The following IQCK variants were observed in gnomAD, a reference collection of about 807,000 sequenced individuals.
The protein encoded by IQCK is IQ domain-containing protein K.
Under a neutral mutation model 28.1 loss-of-function variants are expected in IQCK, and 29 were observed. The observed-to-expected ratio is 1.03, with a 90% CI of 0.77 to 1.41. IQCK has a LOEUF of 1.41. IQCK is among the 40% of genes most tolerant of loss of function. IQCK has a pLI of 0.00. For synonymous variants in IQCK, 113 were observed against 115.1 expected, an observed-to-expected ratio of 0.98 and a Z score of 0.12; for missense variants, 359 against 314.7, an observed-to-expected ratio of 1.14 and a Z score of -1.07.
chr16:19,735,292 C>T (rs2151684917), intron 3 of IQCK, 61 bp from the exon 4 acceptor site: 5 of 1,103,014 alleles, frequency 4.5e-6, no homozygotes, highest in African/African-American at 1.5e-5. Flanking sequence ...GTAAACATTT[C>T]TCCCAGATTG....
chr16:19,848,209 G>A, intron 9 of IQCK, among the ~76,000 whole-genome samples: 1 of 152,148 alleles, frequency 6.6e-6, no homozygotes, highest in East Asian at 1.9e-4. Context: ...GTGTGTGGTG[G>A]CTGTCTCATC....
intron 9 of IQCK, among the ~76,000 whole-genome samples, chr16:19,852,683 C>T (rs561992717): frequency 7.5e-4 from 109 of 145,726 alleles, no homozygotes; most frequent in Middle Eastern, 3.5e-3. Flanking sequence ...AGTGCAGTGA[C>T]GCGATCTTGG....
At chr16:19,757,666 T>C in intron 4 of IQCK, among the ~76,000 whole-genome samples, 1 of 152,174 alleles carries the variant, frequency 6.6e-6, no homozygotes, top group East Asian at 1.9e-4. Context: ...TGAGACTCTG[T>C]CTCAAAAAAC....
chr16:19,825,291 C>T lies in IQCK; in HGVS notation c.691-1735C>T, dbSNP rs149860719. On this transcript the variant is annotated intron_variant, in intron 7 of 7. Coordinates refer to ENST00000564186, the Ensembl canonical transcript of IQCK. This position sits in a 1 kb window ranked among gnomAD's most constrained non-coding sequence, Gnocchi z 4.2. ...ATCCCAGCCCTTTGGGAGGCCAAGGCGGATGGTTCACTTGAGGTCAGGAGT... is the reference window on the plus strand; with the variant it reads ...ATCCCAGCCCTTTGGGAGGCCAAGGTGGATGGTTCACTTGAGGTCAGGAGT... 4.1e-3 allele frequency among the ~76,000 whole-genome samples: 618 copies of T among 152,246 alleles called. 2 individuals carry two copies. The highest frequency in any genetic ancestry group is 5.4e-3 in the Non-Finnish European group (365 of 68,022).
At chr16:19,731,823 T>G (rs1002211479) in intron 2 of IQCK, among the ~76,000 whole-genome samples, 2 of 152,166 alleles carry the variant, frequency 1.3e-5, no homozygotes, top group African/African-American at 4.8e-5. Flanking sequence ...CCAGGGAAGC[T>G]GGTAGAGTGG....
chr16:19,763,961 G>C, intron 5 of IQCK, 61 bp downstream of exon 5: 1 of 1,592,530 alleles, frequency 6.3e-7, no homozygotes, highest in Non-Finnish European at 8.6e-7. Context: ...TAATTTGCAA[G>C]CAGAATAGCA....
rs1269203619 is a variant in IQCK, at chr16:19,822,077, A to C, written c.691-4949A>C. ...AATGAGACCCTGTCTCAAAAAAAAA[A>C]AAAAAACAAAAAAAAAAACAAAAAA... On this transcript the variant is annotated intron_variant, in intron 7 of 7. Transcript: ENST00000564186. 6.1e-4 allele frequency among the ~76,000 whole-genome samples: 88 copies of C among 144,796 alleles called. 2 individuals carry two copies. The highest frequency in any genetic ancestry group is 9.7e-4 in the Admixed American group (14 of 14,474). 95.0% of individuals were successfully genotyped at this position (144,796 alleles called of 152,430 possible). A position where few individuals can be genotyped will look rare whatever the true frequency, so the allele number is the denominator to read the frequency against.
At chr16:19,737,756 G>A (rs181778823) in intron 4 of IQCK, among the ~76,000 whole-genome samples, 2 of 151,880 alleles carry the variant, frequency 1.3e-5, no homozygotes, top group African/African-American at 2.4e-5. Flanking sequence ...TCCCCTTCCC[G>A]ATGGTACCCT....
At chr16:19,735,307 G>A (rs767838191) in intron 3 of IQCK, 46 bp from the exon 4 acceptor site, 8 of 1,297,466 alleles carry the variant, frequency 6.2e-6, no homozygotes, top group South Asian at 2.4e-5. Flanking sequence ...AGATTGGCTC[G>A]GGCCACTGGG....
At chr16:19,766,552 G>A (rs550067550) in intron 6 of IQCK, among the ~76,000 whole-genome samples, 17 of 152,198 alleles carry the variant, frequency 1.1e-4, no homozygotes, top group Non-Finnish European at 1.6e-4. Flanking sequence ...GGTGGGAGCC[G>A]GGAAATATCC....
At chr16:19,844,778 C>T (rs533847631) in intron 9 of IQCK, among the ~76,000 whole-genome samples, 6 of 152,060 alleles carry the variant, frequency 3.9e-5, no homozygotes, top group Non-Finnish European at 8.8e-5. Context: ...CCTTACCAAA[C>T]ATGAAGAAAG....
At chr16:19,726,176 A>G (rs1977650204) in intron 1 of IQCK, among the ~76,000 whole-genome samples, 1 of 149,124 alleles carries the variant, frequency 6.7e-6, no homozygotes, top group Non-Finnish European at 1.5e-5. Flanking sequence ...GGCCTCCCAA[A>G]GTGCTGGGAT....
At chr16:19,841,687 A>C (rs994337523) in intron 9 of IQCK, among the ~76,000 whole-genome samples, 1 of 152,184 alleles carries the variant, frequency 6.6e-6, no homozygotes, top group East Asian at 1.9e-4. Context: ...AAGTTACTTA[A>C]CTCTTCTAGC....
At chr16:19,819,571 C>A in intron 7 of IQCK, 1 of 164,336 alleles carries the variant, frequency 6.1e-6, no homozygotes. Flanking sequence ...GACAATATTT[C>A]CACATTTCCC....
At chr16:19,765,332 G>A (rs575467525) in intron 6 of IQCK, among the ~76,000 whole-genome samples, 1 of 151,784 alleles carries the variant, frequency 6.6e-6, no homozygotes, top group African/African-American at 2.4e-5. Flanking sequence ...GAGGTCAGGA[G>A]TTCGAGACCA....
rs770318750 is a variant in IQCK, at chr16:19,800,995, T to TTG, written c.690+12085_690+12086dup. 8.2e-4 allele frequency among the ~76,000 whole-genome samples: 104 copies of TTG among 127,522 alleles called. 3 individuals are homozygous for TTG. Among genetic ancestry groups the TTG allele is most frequent in the Non-Finnish European group, 1.3e-3 (86 of 65,344 alleles). The allele number at this position is 127,522 out of a possible 152,430, so 83.7% of individuals were successfully genotyped here. A position where few individuals can be genotyped will look rare whatever the true frequency, so the allele number is the denominator to read the frequency against. ...TCTGAGCCTTTTTAGGAGTGTGTGT[T>TTG]TGTGTGTGTGTGTAAATATGCAAAA... On this transcript the variant is annotated intron_variant, in intron 7 of 7. Coordinates refer to ENST00000564186, the Ensembl canonical transcript of IQCK.
At chr16:19,721,025 A>C (rs1413042349) in intron 1 of IQCK, among the ~76,000 whole-genome samples, 1 of 152,126 alleles carries the variant, frequency 6.6e-6, no homozygotes, top group African/African-American at 2.4e-5. Context: ...AAAAAAAAAA[A>C]ACAATTCAGT....
At chr16:19,834,342 T>C (rs1332023595) in intron 9 of IQCK, among the ~76,000 whole-genome samples, 3 of 152,160 alleles carry the variant, frequency 2.0e-5, no homozygotes, top group Non-Finnish European at 4.4e-5. Context: ...ATACATGGCT[T>C]GCACAAGTCC....
downstream of IQCK, among the ~76,000 whole-genome samples, chr16:19,830,380 T>C (rs1326873426): frequency 6.6e-6 from 1 of 152,212 alleles, no homozygotes; most frequent in Non-Finnish European, 1.5e-5. Context: ...CTGGAGTTCA[T>C]GCTTTTATCC....
Sources: allele counts gnomAD v4.1 joint callset (sites outside exome capture counted in the v4.1 genomes callset), GRCh38; gene constraint gnomAD v4.1.1; non-coding constraint Gnocchi (gnomAD v3.1); transcripts MANE v1.5; gene names NCBI Gene and HGNC (gene_info 2026-07-23, HGNC 2026-07-21).